Variants in GALNTL6 observed in about 807,000 individuals in gnomAD.
GALNTL6 encodes polypeptide N-acetylgalactosaminyltransferase-like 6.
A neutral mutation model predicts 73.7 loss-of-function variants in GALNTL6; 46 were observed. The ratio of observed to expected loss-of-function variants is 0.62; its 90% CI spans 0.49 to 0.80. GALNTL6 has a LOEUF of 0.80. GALNTL6 is among the 30% of genes least tolerant of loss of function. The pLI, the probability that GALNTL6 is intolerant of heterozygous loss-of-function variation, is 0.00. For missense variants in GALNTL6, 604 were observed against 755.0 expected (o/e 0.80, Z 2.34); for synonymous variants, 259 against 263.7 (o/e 0.98, Z 0.17).
chr4:171,964,056 T>A (rs1252276800), intron 2 of GALNTL6, among the ~76,000 whole-genome samples: 1 of 152,234 alleles, frequency 6.6e-6, no homozygotes, highest in Non-Finnish European at 1.5e-5. Flanking sequence ...TGTCTTGTAA[T>A]GTAATCCATT....
At chr4:172,939,983 C>T (rs1227642333) in intron 9 of GALNTL6, among the ~76,000 whole-genome samples, 4 of 151,962 alleles carry the variant, frequency 2.6e-5, no homozygotes, top group Non-Finnish European at 5.9e-5. Flanking sequence ...GATAGAATCC[C>T]ACATTACTTT....
chr4:172,454,001 G>A (rs1732305879), intron 5 of GALNTL6, among the ~76,000 whole-genome samples: 1 of 152,144 alleles, frequency 6.6e-6, no homozygotes, highest in South Asian at 2.1e-4. Flanking sequence ...AATATTTACT[G>A]AGAACATCCT....
chr4:172,378,606 T>G (rs72988229), intron 5 of GALNTL6, among the ~76,000 whole-genome samples: 1 of 152,226 alleles, frequency 6.6e-6, no homozygotes, highest in Non-Finnish European at 1.5e-5. Flanking sequence ...TAAAAAAAAT[T>G]GATATATATT....
intron 2 of GALNTL6, among the ~76,000 whole-genome samples, chr4:172,112,653 C>G (rs1732884385): frequency 6.6e-6 from 1 of 151,850 alleles, no homozygotes; most frequent in Non-Finnish European, 1.5e-5. Context: ...ACATAATGCT[C>G]TACATGCTAT....
chr4:171,927,387 C>A (rs1738021109), intron 2 of GALNTL6, among the ~76,000 whole-genome samples: 1 of 151,892 alleles, frequency 6.6e-6, no homozygotes, highest in Non-Finnish European at 1.5e-5. Context: ...TAAAATTTCC[C>A]TCCCTTTACA....
At chr4:171,930,961 C>T (rs1428118368) in intron 2 of GALNTL6, among the ~76,000 whole-genome samples, 1 of 152,152 alleles carries the variant, frequency 6.6e-6, no homozygotes, top group Non-Finnish European at 1.5e-5. Flanking sequence ...ACAAGTCATC[C>T]AAATTGGATG....
intron 5 of GALNTL6, among the ~76,000 whole-genome samples, chr4:172,790,899 A>G (rs1480088892): frequency 1.4e-5 from 2 of 145,390 alleles, no homozygotes; most frequent in Non-Finnish European, 3.0e-5. Flanking sequence ...ACTCCATCAA[A>G]AAAAAAAAAA....
intron 5 of GALNTL6, among the ~76,000 whole-genome samples, chr4:172,763,910 C>A (rs960800198): frequency 1.3e-5 from 2 of 150,912 alleles, no homozygotes; most frequent in African/African-American, 4.9e-5. Flanking sequence ...AAATGAAGAA[C>A]ATTCAATATT....
intron 2 of GALNTL6, among the ~76,000 whole-genome samples, chr4:172,050,006 A>G (rs2110856082): frequency 1.2e-4 from 1 of 8,376 alleles, no homozygotes; most frequent in South Asian, 0.019. Context: ...AAGAAGGAAA[A>G]AGAAAAAAAA....
intron 5 of GALNTL6, among the ~76,000 whole-genome samples, chr4:172,522,259 T>A (rs7689403): frequency 0.041 from 6,310 of 152,306 alleles, 408 homozygotes; most frequent in African/African-American, 0.14. Flanking sequence ...ACAATAAAAG[T>A]AATTATTAAA....
chr4:172,389,197 G>C (rs1331795750), intron 5 of GALNTL6, among the ~76,000 whole-genome samples: 4 of 151,780 alleles, frequency 2.6e-5, no homozygotes, highest in African/African-American at 9.7e-5. Flanking sequence ...ATGTTTTTCT[G>C]ACACATTTAG....
chr4:172,420,045 C>T (rs561574111), intron 5 of GALNTL6, among the ~76,000 whole-genome samples: 4 of 152,238 alleles, frequency 2.6e-5, no homozygotes, highest in Non-Finnish European at 4.4e-5. Flanking sequence ...CTTTGGATAT[C>T]GTACCATTAT....
intron 7 of GALNTL6, among the ~76,000 whole-genome samples, chr4:172,870,075 C>T (rs549020223): frequency 6.8e-6 from 1 of 147,626 alleles, no homozygotes; most frequent in East Asian, 1.9e-4. Flanking sequence ...TCATCATCAT[C>T]ATCATCATCA....
intron 2 of GALNTL6, among the ~76,000 whole-genome samples, chr4:172,100,717 C>T (rs17284968): frequency 6.6e-6 from 1 of 152,078 alleles, no homozygotes; most frequent in Non-Finnish European, 1.5e-5. Context: ...TGAGAAAATA[C>T]ATTGAAAAGG....
chr4:172,231,896 T>A (rs1737083826), intron 3 of GALNTL6, among the ~76,000 whole-genome samples: 1 of 152,126 alleles, frequency 6.6e-6, no homozygotes, highest in African/African-American at 2.4e-5. Context: ...GTCTTTTCTA[T>A]CTTCATCTTT....
chr4:172,580,596 G>A (rs772222299), intron 5 of GALNTL6, among the ~76,000 whole-genome samples: 16 of 152,054 alleles, frequency 1.1e-4, no homozygotes, highest in African/African-American at 2.2e-4. Context: ...CTTCTCTATC[G>A]TTAGGAATTT....
At chr4:172,529,893 T>C (rs896060214) in intron 5 of GALNTL6, among the ~76,000 whole-genome samples, 1 of 149,886 alleles carries the variant, frequency 6.7e-6, no homozygotes, top group Non-Finnish European at 1.5e-5. Flanking sequence ...ATTTATTTAT[T>C]TATTTATCTA....
At chr4:172,537,517 C>G (rs2604456) in intron 5 of GALNTL6, among the ~76,000 whole-genome samples, 16,213 of 152,218 alleles carry the variant, frequency 0.11, 994 homozygotes, top group East Asian at 0.23. Context: ...GTGAGGCCTC[C>G]CTGGCCCAGC....
In GALNTL6 at chr4:172,806,840, A is replaced by G. The variant is rs971542167; in HGVS notation, c.554-2521A>G. On this transcript the variant is annotated intron_variant, in intron 5 of 12. Transcript: ENST00000506823. ...TTGTGGTCCAAAAAACCGATTTACA[A>G]TTAAACATATAGAATGCCACTTGTT... 2.6e-5 allele frequency among the ~76,000 whole-genome samples: 4 copies of G among 152,338 alleles called. No homozygotes were observed. In the South Asian group the frequency reaches 8.3e-4, roughly 32 times the overall value.
Sources: gnomAD v4.1 joint callset for allele counts (sites outside exome capture counted in the v4.1 genomes callset) on GRCh38, gnomAD v4.1.1 for gene constraint, MANE v1.5 for transcripts, NCBI Gene and HGNC (gene_info 2026-07-23, HGNC 2026-07-21) for gene names.